Variants in STK3 observed in about 807,000 individuals in gnomAD.
STK3 encodes serine/threonine kinase 3, also known as serine/threonine-protein kinase 3.
In STK3, 41 loss-of-function variants were observed where a neutral mutation model predicts 58.0. That is an observed-to-expected ratio of 0.71 (90% CI 0.55 to 0.92). STK3 has a LOEUF of 0.92. Ranked by LOEUF, STK3 falls within the 40% of genes least tolerant of loss-of-function variation. The pLI, the probability that STK3 is intolerant of heterozygous loss-of-function variation, is 0.00. For missense variants in STK3, 479 were observed against 602.7 expected (o/e 0.79, Z 2.15); for synonymous variants, 170 against 191.0 (o/e 0.89, Z 0.91).
chr8:98,669,934 A>C (rs1822699495), intron 6 of STK3, among the ~76,000 whole-genome samples: 1 of 152,254 alleles, frequency 6.6e-6, no homozygotes, highest in South Asian at 2.1e-4. Context: ...AGAAGGCTGT[A>C]GCTGCTAGCA....
intron 6 of STK3, among the ~76,000 whole-genome samples, chr8:98,676,327 A>C (rs1328590152): frequency 6.6e-6 from 1 of 152,224 alleles, no homozygotes; most frequent in Non-Finnish European, 1.5e-5. Flanking sequence ...AATGCCACTT[A>C]AAAACAGTTA....
intron 6 of STK3, among the ~76,000 whole-genome samples, chr8:98,693,698 G>A (rs896919876): frequency 6.6e-6 from 1 of 152,156 alleles, no homozygotes; most frequent in Admixed American, 6.5e-5. Flanking sequence ...ACAAACACAG[G>A]TGCACATACA....
At chr8:98,746,170 G>GGA (rs1275934867) in intron 4 of STK3, among the ~76,000 whole-genome samples, 1 of 152,170 alleles carries the variant, frequency 6.6e-6, no homozygotes, top group Non-Finnish European at 1.5e-5. Context: ...AAGTGATCCA[G>GGA]GATTGCTAGT....
chr8:98,653,159 G>C (rs1587170875), intron 6 of STK3, among the ~76,000 whole-genome samples: 1 of 152,256 alleles, frequency 6.6e-6, no homozygotes, highest in East Asian at 1.9e-4. Context: ...AATCAAACTA[G>C]AACTCAGGAT....
At chr8:98,517,285 T>C (rs931569375) in intron 10 of STK3, among the ~76,000 whole-genome samples, 24 of 152,044 alleles carry the variant, frequency 1.6e-4, no homozygotes, top group African/African-American at 5.6e-4. Flanking sequence ...TCAAGACAAC[T>C]AGATTCTGGA....
At chr8:98,695,496 T>G (rs1824822643) in intron 6 of STK3, among the ~76,000 whole-genome samples, 2 of 152,340 alleles carry the variant, frequency 1.3e-5, no homozygotes, top group South Asian at 4.1e-4. Context: ...CGTTTAAGTC[T>G]TTAATCCATC....
intron 3 of STK3, among the ~76,000 whole-genome samples, chr8:98,418,146 A>G (rs980772209): frequency 1.3e-5 from 2 of 152,192 alleles, no homozygotes; most frequent in African/African-American, 4.8e-5. Context: ...TCCTGGTCTC[A>G]AGTGATTTTC....
chr8:98,487,253 A>T (rs1219276550), intron 10 of STK3, among the ~76,000 whole-genome samples: 2 of 152,210 alleles, frequency 1.3e-5, no homozygotes, highest in Admixed American at 1.3e-4. Context: ...TAAAGGAAGG[A>T]GATTACTTTG....
At chr8:98,723,514 T>C (rs1047786426) in intron 4 of STK3, among the ~76,000 whole-genome samples, 6 of 152,144 alleles carry the variant, frequency 3.9e-5, no homozygotes, top group African/African-American at 1.4e-4. Flanking sequence ...TTAAAATACA[T>C]ATACTGCCTT....
chr8:98,503,595 C>A (rs1180221479), intron 10 of STK3, among the ~76,000 whole-genome samples: 1 of 152,100 alleles, frequency 6.6e-6, no homozygotes, highest in Non-Finnish European at 1.5e-5. Context: ...GAATCTGGTA[C>A]GTTGTGTCTT....
intron 3 of STK3, among the ~76,000 whole-genome samples, chr8:98,761,101 A>C (rs1383202507): frequency 6.6e-6 from 1 of 151,794 alleles, no homozygotes; most frequent in Non-Finnish European, 1.5e-5. Context: ...ACTATTTGAA[A>C]ATACTGCTTG....
At chr8:98,749,020 A>G (rs1259743729) in intron 4 of STK3, among the ~76,000 whole-genome samples, 2 of 152,098 alleles carry the variant, frequency 1.3e-5, no homozygotes, top group African/African-American at 2.4e-5. Flanking sequence ...AATGAAGAAG[A>G]GAAGTACCAT....
At chr8:98,651,763 G>T (rs188784902) in intron 6 of STK3, 7 of 151,930 alleles carry the variant, frequency 4.6e-5, no homozygotes, top group Admixed American at 1.3e-4. Flanking sequence ...GAAATGAAGC[G>T]AGAAGGGAAG....
At chr8:98,581,129 T>C (rs1366265172) in intron 7 of STK3, among the ~76,000 whole-genome samples, 1 of 152,206 alleles carries the variant, frequency 6.6e-6, no homozygotes, top group Admixed American at 6.5e-5. Flanking sequence ...GGTGGTTATA[T>C]GCGACTAAGT....
At chr8:98,918,044 CTCAT>C (rs1195547531) in intron 1 of STK3, among the ~76,000 whole-genome samples, 1 of 152,198 alleles carries the variant, frequency 6.6e-6, no homozygotes, top group African/African-American at 2.4e-5. Context: ...TATGTATTAT[CTCAT>C]TCAGTCTTTA....
chr8:98,802,151 TACA>T (rs1833598370), intron 1 of STK3, among the ~76,000 whole-genome samples: 1 of 152,138 alleles, frequency 6.6e-6, no homozygotes, highest in Non-Finnish European at 1.5e-5. Context: ...CAGCCTGGAC[TACA>T]GAGCAAGACC....
At chr8:98,687,774 G>C (rs1344927874) in intron 6 of STK3, among the ~76,000 whole-genome samples, 2 of 152,136 alleles carry the variant, frequency 1.3e-5, no homozygotes, top group Non-Finnish European at 2.9e-5. Flanking sequence ...AGATGCTTAA[G>C]GGAGGTCTAA....
At chr8:98,822,365 C>T (rs778950162) in intron 1 of STK3, among the ~76,000 whole-genome samples, 11 of 151,932 alleles carry the variant, frequency 7.2e-5, no homozygotes, top group Non-Finnish European at 1.3e-4. Context: ...GGATAGAGTG[C>T]AGTGGCACAA....
chr8:98,878,143 C>T (rs1361370029), intron 3 of STK3, among the ~76,000 whole-genome samples: 4 of 151,542 alleles, frequency 2.6e-5, no homozygotes, highest in African/African-American at 9.7e-5. Context: ...ACCTCTGCCT[C>T]CCAGGCTCAA....
Sources: gnomAD v4.1 joint callset for allele counts (sites outside exome capture counted in the v4.1 genomes callset) on GRCh38, gnomAD v4.1.1 for gene constraint, MANE v1.5 for transcripts, NCBI Gene and HGNC (gene_info 2026-07-23, HGNC 2026-07-21) for gene names.